The following NIPAL4 variants were observed in gnomAD, a reference collection of about 807,000 sequenced individuals.
NIPAL4 encodes the protein NIPA like domain containing 4.
In NIPAL4, 21 loss-of-function variants were observed where a neutral mutation model predicts 31.6. The observed-to-expected ratio is 0.67, with a 90% CI of 0.47 to 0.96. The LOEUF is 0.96. Ranked by LOEUF, NIPAL4 falls within the 40% of genes least tolerant of loss-of-function variation. NIPAL4 has a pLI of 0.00. For missense variants in NIPAL4, 438 were observed against 508.0 expected (o/e 0.86, Z 1.32); for synonymous variants, 175 against 211.1 (o/e 0.83, Z 1.48).
chr5:157,460,431 C>G (rs908263151), intron 1 of NIPAL4, 74 bp downstream of exon 1: 1 of 1,397,694 alleles, frequency 7.2e-7, no homozygotes, highest in Non-Finnish European at 9.8e-7. Flanking sequence ...CGCTCTCCCT[C>G]GCATCCTCTC....
intron 4 of NIPAL4, 86 bp from the exon 5 acceptor site, chr5:157,471,571 G>C: frequency 9.5e-7 from 1 of 1,055,754 alleles, no homozygotes. Context: ...GTTGTTCTCT[G>C]TGAGTGCTTG....
chr5:157,468,779 T>C lies in NIPAL4; in HGVS notation c.392T>C (p.Val131Ala), dbSNP rs1395984930. ...GAYAFAPATV[V>A]TPLGALSVLI... ...TACGCATTTGCACCTGCAACAGTCGTCACGCCTCTGGGAGCGCTGAGTGTC... is the reference window on the plus strand; with the variant it reads ...TACGCATTTGCACCTGCAACAGTCGCCACGCCTCTGGGAGCGCTGAGTGTC... Residue 131 changes from valine to alanine, a missense_variant, in exon 4 of 6, where the codon GTC becomes GCC. Transcript: ENST00000311946. 2 of 1,610,704 alleles carry C rather than the reference T, an allele frequency of 1.2e-6. No individual in the cohort carries two copies. The highest frequency in any genetic ancestry group is 8.5e-7 in the Non-Finnish European group (1 of 1,177,960).
chr5:157,472,429 C>T lies in NIPAL4; in HGVS notation c.684C>T (p.Ile228=), dbSNP rs748162047. ...RYGQRNILIY[I]IICSVIGAFS... ...GGCAAAGGAATATCCTCATCTACATCATCATCTGCTCTGTGATCGGGGCCT... is the reference window on the plus strand; with the variant it reads ...GGCAAAGGAATATCCTCATCTACATTATCATCTGCTCTGTGATCGGGGCCT... Residue 228 remains isoleucine (I), a synonymous_variant, in exon 6 of 6, where the codon ATC becomes ATT. Transcript: ENST00000311946. 3.1e-6 allele frequency: 5 copies of T among 1,613,736 alleles called. No individual in the cohort carries two copies. In the African/African-American group the frequency reaches 5.3e-5, roughly 17 times the overall value.
Position 157,468,758 on chromosome 5 carries a change from C to T in NIPAL4, c.371C>T (p.Ala124Val). The T allele has an allele frequency of 6.2e-7, 1 of 1,612,146 alleles. No homozygotes were observed. The highest frequency in any genetic ancestry group is 8.5e-7 in the Non-Finnish European group (1 of 1,178,738). ...GAAGTTGCCAACTTTGGAGCCTACG[C>T]ATTTGCACCTGCAACAGTCGTCACG... ...AGEVANFGAY[A>V]FAPATVVTPL... is the part of the protein sequence containing the mutation. Residue 124 changes from alanine to valine, a missense_variant, in exon 4 of 6, where the codon GCA becomes GTA. Physicochemically the swap from Ala to Val is moderately conservative, Grantham distance 64. Transcript: ENST00000311946.
chr5:157,472,201 G>C lies in NIPAL4; in HGVS notation c.587-131G>C, dbSNP rs555516870. On this transcript the variant is annotated intron_variant, in intron 5 of 5. Transcript: ENST00000311946. ...AGTTATTAGGAAGTCATGAAGCTGG[G>C]ACTGGAACCCGGGTTTGTCTGACTC... 7.2e-6 allele frequency: 6 copies of C among 832,360 alleles called. 1 individual carries two copies. The highest frequency in any genetic ancestry group is 9.5e-6 in the Non-Finnish European group (5 of 524,966). The allele number at this position is 832,360 out of a possible 1,614,324, so 51.6% of individuals were successfully genotyped here.
rs770356283 is a variant in NIPAL4 at position 157,467,121 on chromosome 5, G to C, written c.334+16G>C. On this transcript the variant is annotated intron_variant, in intron 3 of 5. Transcript: ENST00000311946. ...TTTCTCACCAGTAAGTGGGTTGTTT[G>C]TTACTAATAACAGTGGCCTATTGAT... 6.7e-6 allele frequency: 10 copies of C among 1,501,154 alleles called. No homozygotes were observed. The South Asian group carries it at 1.1e-4, about 17-fold the overall frequency. 93.0% of individuals were successfully genotyped at this position (1,501,154 alleles called of 1,614,324 possible). A position where few individuals can be genotyped will look rare whatever the true frequency, so the allele number is the denominator to read the frequency against.
Position 157,472,469 on chromosome 5 carries a change from G to T in NIPAL4, c.724G>T (p.Val242Phe), listed in dbSNP as rs1340422224. The stretch of plus-strand genomic sequence containing the variant: ...GATCGGGGCCTTCTCTGTGGCTGCT[G>T]TCAAGGGGCTGGGCATCACCATCAA... ...SVIGAFSVAA[V>F]KGLGITIKNF... Residue 242 changes from valine to phenylalanine, a missense_variant, in exon 6 of 6, where the codon GTC becomes TTC. Coordinates refer to ENST00000311946, the MANE Select transcript of NIPAL4 (RefSeq NM_001099287.2). The T allele has an allele frequency of 6.2e-7, 1 of 1,613,914 alleles. No individual in the cohort carries two copies. The highest frequency in any genetic ancestry group is 8.5e-7 in the Non-Finnish European group (1 of 1,179,876).
chr5:157,468,836 C>G, intron 4 of NIPAL4, 24 bp downstream of exon 4: 1 of 1,474,390 alleles, frequency 6.8e-7, no homozygotes, highest in Non-Finnish European at 9.3e-7. Context: ...CTCTAGCTCT[C>G]TCTTTTTCTA....
chr5:157,461,972 T>G (rs532551989), intron 1 of NIPAL4, among the ~76,000 whole-genome samples: 1 of 152,220 alleles, frequency 6.6e-6, no homozygotes, highest in African/African-American at 2.4e-5. Flanking sequence ...AGAGCCAGAG[T>G]TGCTTGACCA....
intron 2 of NIPAL4, among the ~76,000 whole-genome samples, chr5:157,466,662 A>G (rs1754283220): frequency 6.6e-6 from 1 of 152,210 alleles, no homozygotes; most frequent in Admixed American, 6.5e-5. Context: ...TCAAAGAGCA[A>G]TTCCCTGGTT....
At chr5:157,462,591 A>T (rs1429629955) in intron 1 of NIPAL4, among the ~76,000 whole-genome samples, 1 of 152,230 alleles carries the variant, frequency 6.6e-6, no homozygotes, top group Non-Finnish European at 1.5e-5. Flanking sequence ...GGGCTTTGGC[A>T]TCAGATAAGC....
chr5:157,468,075 T>TG (rs1264113656), intron 3 of NIPAL4: 1 of 151,696 alleles, frequency 6.6e-6, no homozygotes, highest in Non-Finnish European at 1.5e-5. Context: ...TGGCTAATTT[T>TG]TTTTTTTTTT....
At chr5:157,460,763 G>T (rs545291887) in intron 1 of NIPAL4, among the ~76,000 whole-genome samples, 122 of 152,124 alleles carry the variant, frequency 8.0e-4, no homozygotes, top group South Asian at 4.2e-3. Context: ...ATCACAGGAC[G>T]GTCTTGTCTT....
chr5:157,472,668 C>A lies in NIPAL4; in HGVS notation c.923C>A (p.Thr308Asn). ...YYVFFTTVVV[T>N]SSIILFKEWY... ...GTGTTCTTCACCACGGTGGTCGTTA[C>A]CTCGTCCATCATCCTCTTCAAGGAG... The change falls in exon 6 of 6, where the codon ACC becomes AAC. Residue 308 changes from threonine to asparagine, a missense_variant. Physicochemically the swap from Thr to Asn is moderately conservative, Grantham distance 65. Transcript: ENST00000311946. The A allele has an allele frequency of 6.2e-7, 1 of 1,613,950 alleles. No individual in the cohort carries two copies. Among genetic ancestry groups the A allele is most frequent in the Non-Finnish European group, 8.5e-7 (1 of 1,179,884 alleles).
In NIPAL4 at chr5:157,472,743, T is replaced by C. The variant is rs142657538; in HGVS notation, c.998T>C (p.Val333Ala). ...ATTGCAGGCACCCTCTCGGGCTTTG[T>C]CACCATCATCTTGGGCGTGTTCATG... ...VDIAGTLSGF[V>A]TIILGVFMLH... is the part of the protein sequence containing the mutation. Residue 333 changes from valine to alanine, a missense_variant, in exon 6 of 6, where the codon GTC (valine) becomes GCC (alanine). By Grantham distance (64) the Val-to-Ala change is moderately conservative. Coordinates refer to ENST00000311946, the MANE Select transcript of NIPAL4 (RefSeq NM_001099287.2). The C allele has an allele frequency of 8.7e-6, 14 of 1,613,794 alleles. No homozygotes were observed. The African/African-American group carries it at 1.9e-4, about 22-fold the overall frequency.
At chr5:157,461,389 G>GT (rs1754101543) in intron 1 of NIPAL4, among the ~76,000 whole-genome samples, 1 of 152,222 alleles carries the variant, frequency 6.6e-6, no homozygotes, top group Non-Finnish European at 1.5e-5. Context: ...CAGCCCTTGG[G>GT]TGTTGCGGGC....
At position 157,468,836 on chromosome 5, in the gene NIPAL4, C is replaced by T; in HGVS notation, c.425+24C>T. The T allele has an allele frequency of 4.1e-6, 6 of 1,474,390 alleles. No individual in the cohort carries two copies. In the South Asian group the frequency reaches 7.4e-5, roughly 18 times the overall value. The allele number at this position is 1,474,390 out of a possible 1,614,324, so 91.3% of individuals were successfully genotyped here. On this transcript the variant is annotated intron_variant, in intron 4 of 5. Transcript: ENST00000311946. ...AGGTTATTGTCCCCTCTCTAGCTCT[C>T]TCTTTTTCTATTCCGTTTTCAGTTT...
In NIPAL4 at chr5:157,463,228, A is replaced by T. The variant is rs753352933; in HGVS notation, c.172A>T (p.Ile58Phe). 7.4e-6 allele frequency: 12 copies of T among 1,613,918 alleles called. No homozygotes were observed. Among genetic ancestry groups the T allele is most frequent in the African/African-American group, 4.0e-5 (3 of 74,938 alleles). Residue 58 changes from isoleucine (I) to phenylalanine (F), a missense_variant, in exon 2 of 6, where the codon ATC becomes TTC. Physicochemically the swap from Ile to Phe is conservative, Grantham distance 21. Transcript: ENST00000311946. ...AATCAGGCAGAACTATGGCTTCTAC[A>T]TCGGCCTGGGCCTGGCATTCCTGTC... ...ERIRQNYGFY[I>F]GLGLAFLSSF... is the part of the protein sequence containing the mutation.
intron 2 of NIPAL4, 54 bp from the exon 3 acceptor site, chr5:157,466,995 C>A: frequency 7.4e-7 from 1 of 1,358,862 alleles, no homozygotes. Context: ...AGGAAAGGTA[C>A]CTGAGAAAGT....
Sources: gnomAD v4.1 joint callset for allele counts (sites outside exome capture counted in the v4.1 genomes callset) on GRCh38, gnomAD v4.1.1 for gene constraint, MANE v1.5 for transcripts, NCBI Gene and HGNC (gene_info 2026-07-23, HGNC 2026-07-21) for gene names.